The following MYH10 variants were observed in gnomAD, a reference collection of about 807,000 sequenced individuals.
MYH10 encodes myosin heavy chain 10.
Under a neutral mutation model 257.8 loss-of-function variants are expected in MYH10, and 55 were observed. The ratio of observed to expected loss-of-function variants is 0.21; its 90% CI spans 0.17 to 0.27. The LOEUF (loss-of-function observed/expected upper bound fraction) is 0.27. MYH10 is among the 10% of genes least tolerant of loss of function. The pLI is 1.00. For synonymous variants in MYH10, 854 were observed against 921.7 expected (o/e 0.93, Z 1.33); for missense variants, 1,631 against 2,500.6 (o/e 0.65, Z 7.42).
intron 19 of MYH10, among the ~76,000 whole-genome samples, chr17:8,519,316 T>C (rs1299260257): frequency 6.6e-6 from 1 of 152,192 alleles, no homozygotes; most frequent in Non-Finnish European, 1.5e-5. Context: ...TCACTGTCAA[T>C]TTGTAGCATT....
chr17:8,551,011 C>A lies in MYH10; in HGVS notation c.919+1035G>T, dbSNP rs7502033. Reference sequence around the variant, plus strand: ...CAGGGACACAAACACTGCGGAAGGCCGCAGGGTCCTCTGCCTAGGAAAACC... The same window carrying A: ...CAGGGACACAAACACTGCGGAAGGCAGCAGGGTCCTCTGCCTAGGAAAACC... On this transcript the variant is annotated intron_variant, in intron 9 of 42. Transcript: ENST00000360416. 1.8e-3 allele frequency among the ~76,000 whole-genome samples: 273 copies of A among 151,230 alleles called. 1 individual carries two copies. The highest frequency in any genetic ancestry group is 6.3e-3 in the African/African-American group (261 of 41,414).
intron 21 of MYH10, among the ~76,000 whole-genome samples, chr17:8,514,655 C>A (rs978646686): frequency 2.0e-5 from 3 of 151,864 alleles, no homozygotes; most frequent in Admixed American, 2.0e-4. Context: ...AACCCCCAGG[C>A]CCAAATGAAG....
chr17:8,578,240 TTTC>T (rs1200443486), intron 4 of MYH10, among the ~76,000 whole-genome samples: 188 of 43,548 alleles, frequency 4.3e-3, no homozygotes, highest in African/African-American at 9.7e-3. Flanking sequence ...TCTTTCTTTC[TTTC>T]TTTTTTTTTT....
chr17:8,597,873 C>A (rs1344901271), intron 3 of MYH10, among the ~76,000 whole-genome samples: 2 of 152,120 alleles, frequency 1.3e-5, no homozygotes, highest in Non-Finnish European at 2.9e-5. Flanking sequence ...CCGCCCCAGC[C>A]TCCCAAAGTG....
intron 2 of MYH10, among the ~76,000 whole-genome samples, chr17:8,617,187 A>C (rs1242051062): frequency 1.3e-5 from 2 of 152,136 alleles, no homozygotes. Flanking sequence ...ACTGAGTTCA[A>C]CCAATGGGAG....
intron 12 of MYH10, among the ~76,000 whole-genome samples, 189 bp downstream of exon 12, chr17:8,546,355 G>A (rs1035137118): frequency 6.6e-5 from 10 of 151,400 alleles, no homozygotes; most frequent in Non-Finnish European, 1.2e-4. Flanking sequence ...CACCGGCCCC[G>A]GCCCCTTTTA....
chr17:8,558,445 T>C (rs772371121), intron 7 of MYH10, among the ~76,000 whole-genome samples: 61 of 152,270 alleles, frequency 4.0e-4, no homozygotes, highest in Middle Eastern at 3.4e-3. Flanking sequence ...TGCTTCAAGC[T>C]AAATGGTATT....
chr17:8,596,311 C>T (rs917227314), intron 3 of MYH10, among the ~76,000 whole-genome samples: 1 of 152,000 alleles, frequency 6.6e-6, no homozygotes, highest in Non-Finnish European at 1.5e-5. Flanking sequence ...AGTTACCACG[C>T]CCAGCTAATT....
chr17:8,576,501 A>T, intron 6 of MYH10, 142 bp downstream of exon 6: 1 of 760,604 alleles, frequency 1.3e-6, no homozygotes, highest in East Asian at 2.7e-5. Flanking sequence ...TAAGGCTCTA[A>T]GCAATAAATT....
intron 34 of MYH10, among the ~76,000 whole-genome samples, chr17:8,491,459 G>A (rs1019206301): frequency 6.6e-6 from 1 of 152,220 alleles, no homozygotes; most frequent in Non-Finnish European, 1.5e-5. Flanking sequence ...CCAGCAGAAA[G>A]GTGGGACCAC....
intron 19 of MYH10, among the ~76,000 whole-genome samples, chr17:8,520,013 G>A (rs2081599578): frequency 6.6e-6 from 1 of 151,944 alleles, no homozygotes; most frequent in South Asian, 2.1e-4. Context: ...GCATGTGTGT[G>A]CACATGTATA....
chr17:8,619,819 G>A (rs188521444), intron 2 of MYH10, among the ~76,000 whole-genome samples: 16 of 152,200 alleles, frequency 1.1e-4, no homozygotes, highest in Non-Finnish European at 2.4e-4. Context: ...CTAGCTGATA[G>A]GGAGGCTGAG....
At chr17:8,593,453 C>T (rs2152056728) in intron 3 of MYH10, among the ~76,000 whole-genome samples, 1 of 151,758 alleles carries the variant, frequency 6.6e-6, no homozygotes, top group South Asian at 2.1e-4. Context: ...AACAAAAAAA[C>T]CCTTTCAGAC....
At chr17:8,546,685 A>T in intron 11 of MYH10, 23 bp from the exon 12 acceptor site, 1 of 1,574,426 alleles carries the variant, frequency 6.4e-7, no homozygotes, top group Non-Finnish European at 8.7e-7. Context: ...AAGTCTCCTA[A>T]ATCCTACATT....
At chr17:8,593,083 A>C (rs1420387116) in intron 3 of MYH10, among the ~76,000 whole-genome samples, 1 of 150,030 alleles carries the variant, frequency 6.7e-6, no homozygotes, top group Non-Finnish European at 1.5e-5. Flanking sequence ...TAAAGAAGAA[A>C]CACCCTCTGA....
intron 3 of MYH10, among the ~76,000 whole-genome samples, chr17:8,597,681 T>G (rs2084430822): frequency 6.6e-6 from 1 of 151,728 alleles, no homozygotes; most frequent in Non-Finnish European, 1.5e-5. Flanking sequence ...TGGTGCAATC[T>G]CAGCTCACTG....
intron 1 of MYH10, among the ~76,000 whole-genome samples, chr17:8,628,385 A>T (rs866803517): frequency 6.6e-6 from 1 of 152,170 alleles, no homozygotes; most frequent in South Asian, 2.1e-4. Context: ...AATGTCACCC[A>T]GCAAACTTTT....
intron 2 of MYH10, among the ~76,000 whole-genome samples, chr17:8,605,461 C>T (rs1021390773): frequency 3.3e-5 from 5 of 152,098 alleles, no homozygotes; most frequent in African/African-American, 1.2e-4. Flanking sequence ...AAATACTCTT[C>T]TTGGCCAGGC....
intron 12 of MYH10, 121 bp downstream of exon 12, chr17:8,546,423 C>T: frequency 1.3e-6 from 1 of 743,982 alleles, no homozygotes; most frequent in Non-Finnish European, 2.1e-6. Context: ...CATTTAGTAC[C>T]TAAAAACACC....
Sources: allele counts gnomAD v4.1 joint callset (sites outside exome capture counted in the v4.1 genomes callset), GRCh38; gene constraint gnomAD v4.1.1; transcripts MANE v1.5; gene names NCBI Gene and HGNC (gene_info 2026-07-23, HGNC 2026-07-21).